Variants in SLC26A7 observed in about 807,000 individuals in gnomAD.
SLC26A7 encodes the protein solute carrier family 26 member 7.
A neutral mutation model predicts 82.5 loss-of-function variants in SLC26A7; 59 were observed. That is an observed-to-expected ratio of 0.72 (90% CI 0.58 to 0.89). The LOEUF (loss-of-function observed/expected upper bound fraction) is 0.89, where lower values mean the gene tolerates loss of function less well. Ranked by LOEUF, SLC26A7 falls within the 40% of genes least tolerant of loss-of-function variation. The pLI is 0.00. For synonymous variants in SLC26A7, 271 were observed against 274.3 expected (o/e 0.99, Z 0.12); for missense variants, 820 against 793.0 (o/e 1.03, Z -0.41).
chr8:91,388,165 C>G (rs1001088682), intron 15 of SLC26A7, among the ~76,000 whole-genome samples: 1 of 152,152 alleles, frequency 6.6e-6, no homozygotes, highest in Non-Finnish European at 1.5e-5. Context: ...GAGTCTTGCT[C>G]TGTTGCCCAG....
intron 1 of SLC26A7, chr8:91,218,751 A>G: frequency 1.8e-6 from 1 of 550,104 alleles, no homozygotes; most frequent in Non-Finnish European, 3.1e-6. Flanking sequence ...TGTGTGAGAA[A>G]AGAGCAAATC....
chr8:91,220,552 C>G (rs1810143805), intron 2 of SLC26A7, among the ~76,000 whole-genome samples: 1 of 151,988 alleles, frequency 6.6e-6, no homozygotes, highest in African/African-American at 2.4e-5. Context: ...CTTTCTGTGT[C>G]CATGTGTTCT....
At chr8:91,336,480 G>A (rs1428181047) in intron 6 of SLC26A7, among the ~76,000 whole-genome samples, 4 of 151,950 alleles carry the variant, frequency 2.6e-5, no homozygotes, top group African/African-American at 9.7e-5. Context: ...ATAGACTGAG[G>A]TGGAACAGCT....
chr8:91,264,361 G>A (rs1161296949), intron 2 of SLC26A7, among the ~76,000 whole-genome samples: 1 of 152,082 alleles, frequency 6.6e-6, no homozygotes, highest in Non-Finnish European at 1.5e-5. Flanking sequence ...CAAGGAGGGA[G>A]GCTATGGTGT....
At position 91,393,815 on chromosome 8, in the gene SLC26A7, G is replaced by T; in HGVS notation, c.1795G>T (p.Gly599Cys). 1 of 1,613,640 alleles carries T rather than the reference G, an allele frequency of 6.2e-7. No homozygotes were observed. The highest frequency in any genetic ancestry group is 8.5e-7 in the Non-Finnish European group (1 of 1,179,604). ...MLVEVYMDCK[G>C]RSVDVLLAHC... Reference sequence around the variant, plus strand: ...CTTCCAGGTTTACATGGACTGTAAAGGCAGGAGTGTGGATGTATTGTTAGC... The same window carrying T: ...CTTCCAGGTTTACATGGACTGTAAATGCAGGAGTGTGGATGTATTGTTAGC... Residue 599 changes from glycine to cysteine, a missense_variant, in exon 17 of 19, where the codon GGC becomes TGC. Physicochemically the swap from Gly to Cys is radical, Grantham distance 159 (BLOSUM62 -3). Transcript: ENST00000276609.
intron 5 of SLC26A7, among the ~76,000 whole-genome samples, chr8:91,322,615 GTATTAGCACA>G (rs1005448373): frequency 5.1e-4 from 77 of 152,232 alleles, no homozygotes; most frequent in African/African-American, 1.8e-3. Flanking sequence ...TTCCTAGTTC[GTATTAGCACA>G]TGTGGGTTTC....
intron 2 of SLC26A7, among the ~76,000 whole-genome samples, chr8:91,237,174 A>G (rs1405265425): frequency 6.6e-6 from 1 of 152,168 alleles, no homozygotes; most frequent in Non-Finnish European, 1.5e-5. Context: ...ACCAAAATCC[A>G]CAGGATGCCC....
Position 91,363,548 on chromosome 8 carries a change from G to T in SLC26A7, c.1488+10G>T. 1.4e-6 allele frequency: 2 copies of T among 1,436,720 alleles called. No homozygotes were observed. The highest frequency in any genetic ancestry group is 1.9e-6 in the Non-Finnish European group (2 of 1,050,322). 89.0% of individuals were successfully genotyped at this position (1,436,720 alleles called of 1,614,324 possible). Reference sequence around the variant, plus strand: ...GACAGAAATGGACAGTGTAAGTTTAGTTTTATTTTTCCTTTATGCAATTGT... The same window carrying T: ...GACAGAAATGGACAGTGTAAGTTTATTTTTATTTTTCCTTTATGCAATTGT... On this transcript the variant is annotated intron_variant, in intron 13 of 18. Transcript: ENST00000276609.
chr8:91,356,654 G>A (rs930896768), intron 11 of SLC26A7, among the ~76,000 whole-genome samples: 1 of 152,088 alleles, frequency 6.6e-6, no homozygotes. Context: ...AGTAGGTTGT[G>A]AAAATTTTCT....
intron 11 of SLC26A7, among the ~76,000 whole-genome samples, chr8:91,360,722 T>A (rs1209434175): frequency 6.6e-6 from 1 of 152,142 alleles, no homozygotes. Context: ...TAGTTCCCTA[T>A]GCCATATTGA....
intron 6 of SLC26A7, among the ~76,000 whole-genome samples, chr8:91,337,412 C>G (rs900108553): frequency 6.6e-6 from 1 of 151,944 alleles, no homozygotes; most frequent in Admixed American, 6.6e-5. Context: ...TTTTTAATAT[C>G]TATTAAAATT....
intron 11 of SLC26A7, among the ~76,000 whole-genome samples, chr8:91,359,148 G>A (rs1324734047): frequency 1.3e-5 from 2 of 152,126 alleles, no homozygotes; most frequent in South Asian, 2.1e-4. Flanking sequence ...GATAACAAAA[G>A]CAGACAGTTA....
chr8:91,228,711 C>T lies in SLC26A7; in HGVS notation c.-34+9706C>T, dbSNP rs543045054. On this transcript the variant is annotated intron_variant, in intron 2 of 5. Transcript: ENST00000522862. ...CCCTAGTAAAATTAGAAAAAGCCTC[C>T]AGTCACTTTAATTATAACTAAAGCC... Among the ~76,000 whole-genome samples, 123 of 152,278 alleles carry T rather than the reference C, an allele frequency of 8.1e-4. 1 individual carries two copies. Among genetic ancestry groups the T allele is most frequent in the African/African-American group, 2.5e-3 (103 of 41,556 alleles).
intron 9 of SLC26A7, among the ~76,000 whole-genome samples, chr8:91,349,352 G>A (rs542640463): frequency 2.0e-5 from 3 of 152,182 alleles, no homozygotes; most frequent in African/African-American, 7.2e-5. Context: ...TTTAACTCTT[G>A]ACTTATTTTT....
At chr8:91,253,255 T>A (rs897189598) in intron 2 of SLC26A7, among the ~76,000 whole-genome samples, 2 of 152,116 alleles carry the variant, frequency 1.3e-5, no homozygotes, top group Non-Finnish European at 2.9e-5. Flanking sequence ...CCCTCACTTT[T>A]ATACTAGACT....
At chr8:91,304,428 A>G (rs1043055597) in intron 4 of SLC26A7, among the ~76,000 whole-genome samples, 3 of 152,280 alleles carry the variant, frequency 2.0e-5, no homozygotes, top group South Asian at 2.1e-4. Context: ...CCATGTGAAG[A>G]CATGCTTGCT....
At chr8:91,352,104 A>G (rs1246382057) in intron 10 of SLC26A7, among the ~76,000 whole-genome samples, 53 of 151,902 alleles carry the variant, frequency 3.5e-4, no homozygotes, top group Admixed American at 3.4e-3. Flanking sequence ...TTTGGCTCTC[A>G]CATAAGAATG....
At chr8:91,273,270 A>T (rs1201146636) in intron 2 of SLC26A7, among the ~76,000 whole-genome samples, 2 of 152,176 alleles carry the variant, frequency 1.3e-5, no homozygotes, top group African/African-American at 4.8e-5. Context: ...ACCTCTTGTT[A>T]TCCATTTGGG....
chr8:91,231,491 A>G (rs1439428349), intron 2 of SLC26A7, among the ~76,000 whole-genome samples: 1 of 152,238 alleles, frequency 6.6e-6, no homozygotes, highest in East Asian at 1.9e-4. Flanking sequence ...ACACTCTTGG[A>G]AAGGGACCAC....
Sources: gnomAD v4.1 joint callset for allele counts (sites outside exome capture counted in the v4.1 genomes callset) on GRCh38, gnomAD v4.1.1 for gene constraint, MANE v1.5 for transcripts, NCBI Gene and HGNC (gene_info 2026-07-23, HGNC 2026-07-21) for gene names.